STAU2: variants seen among roughly 807,000 people sequenced by gnomAD.
The protein encoded by STAU2 is double-stranded RNA-binding protein Staufen homolog 2.
STAU2 carries 20 observed loss-of-function variants against 65.9 expected under a neutral mutation model. That is an observed-to-expected ratio of 0.30 (90% CI 0.21 to 0.44). The LOEUF is 0.44. Ranked by LOEUF, STAU2 falls within the 20% of genes least tolerant of loss-of-function variation. STAU2 has a pLI of 1.00. For synonymous variants in STAU2, 232 were observed against 233.9 expected, an observed-to-expected ratio of 0.99 and a Z score of 0.07; for missense variants, 558 against 683.9, an observed-to-expected ratio of 0.82 and a Z score of 2.05.
At chr8:73,741,307 A>C (rs1586394168) in intron 1 of STAU2, among the ~76,000 whole-genome samples, 1 of 151,364 alleles carries the variant, frequency 6.6e-6, no homozygotes, top group African/African-American at 2.4e-5. Context: ...TCCGTCTCAA[A>C]AAAAAAAAAA....
chr8:73,552,216 T>G lies in STAU2; in HGVS notation c.1326A>C (p.Lys442Asn), dbSNP rs769437139. The G allele has an allele frequency of 6.2e-7, 1 of 1,614,000 alleles. No individual in the cohort carries two copies. The highest frequency in any genetic ancestry group is 1.1e-5 in the South Asian group (1 of 91,078). ...SGTTLGYLSP[K>N]DMNQPSSSFF... ...AAGAGCTTGAAGGTTGGTTCATATC[T>G]TTGGGTGACAAATAGCCTAGAGTAG... The change falls in exon 13 of 15, where the codon AAA (lysine) becomes AAC (asparagine). Residue 442 changes from lysine (K) to asparagine (N), a missense_variant. Lys to Asn is a moderately conservative substitution (Grantham distance 94). This residue lies in a region of STAU2 where 247 missense variants were observed against 270.1 expected (regional missense o/e 0.91). Coordinates refer to ENST00000524300, the MANE Select transcript of STAU2 (RefSeq NM_001164380.2).
intron 13 of STAU2, among the ~76,000 whole-genome samples, chr8:73,470,053 C>T (rs1563611054): frequency 6.6e-6 from 1 of 152,138 alleles, no homozygotes; most frequent in Non-Finnish European, 1.5e-5. Context: ...CTTCTCTGAA[C>T]CTTAGTTTCT....
intron 5 of STAU2, 130 bp downstream of exon 5, chr8:73,688,524 G>T: frequency 7.8e-6 from 6 of 764,758 alleles, no homozygotes; most frequent in Non-Finnish European, 1.1e-5. Context: ...GTGTGTGTGT[G>T]TGTGTGTAGG....
intron 13 of STAU2, among the ~76,000 whole-genome samples, chr8:73,518,585 A>C (rs888321646): frequency 3.9e-5 from 6 of 152,220 alleles, no homozygotes; most frequent in Admixed American, 3.9e-4. Flanking sequence ...ACATGTCACG[A>C]AATACTATTT....
At chr8:73,661,902 A>G (rs1314545026) in intron 6 of STAU2, among the ~76,000 whole-genome samples, 76 of 152,330 alleles carry the variant, frequency 5.0e-4, no homozygotes, top group Non-Finnish European at 4.4e-5. Context: ...ACTTTCATGT[A>G]TAAGTCTTTG....
intron 9 of STAU2, among the ~76,000 whole-genome samples, chr8:73,604,324 G>C (rs1466572521): frequency 6.6e-6 from 1 of 152,124 alleles, no homozygotes; most frequent in Non-Finnish European, 1.5e-5. Flanking sequence ...CACCTGCCGG[G>C]TTCAAGCGAT....
rs554856904 is a variant in STAU2, at chr8:73,471,970, G to A, written c.1531-49268C>T. On this transcript the variant is annotated intron_variant, in intron 13 of 14. Transcript: ENST00000524300. ...AGAACCAGTGGAAGAGGGACTTTCAGATCCCTTGAAATTTGTCAGATATTA... is the reference window on the plus strand; with the variant it reads ...AGAACCAGTGGAAGAGGGACTTTCAAATCCCTTGAAATTTGTCAGATATTA... Among the ~76,000 whole-genome samples, 15 of 152,264 alleles carry A rather than the reference G, an allele frequency of 9.9e-5. No individual in the cohort carries two copies. The South Asian group carries it at 3.1e-3, about 32-fold the overall frequency.
chr8:73,455,671 C>A (rs966296825), intron 13 of STAU2, among the ~76,000 whole-genome samples: 2 of 152,170 alleles, frequency 1.3e-5, no homozygotes, highest in Non-Finnish European at 2.9e-5. Context: ...TGAAAAACCA[C>A]CGTCATTTCC....
intron 14 of STAU2, among the ~76,000 whole-genome samples, chr8:73,422,268 C>T (rs921912616): frequency 6.6e-6 from 1 of 152,108 alleles, no homozygotes; most frequent in African/African-American, 2.4e-5. Context: ...AAACTTTCAC[C>T]GCTGAAAATG....
intron 12 of STAU2, among the ~76,000 whole-genome samples, chr8:73,569,667 CA>C (rs1808890471): frequency 6.6e-6 from 1 of 152,220 alleles, no homozygotes; most frequent in South Asian, 2.1e-4. Flanking sequence ...TGCTGTTCTG[CA>C]GCCTCCACTG....
chr8:73,696,459 C>T (rs1351186826), intron 4 of STAU2, among the ~76,000 whole-genome samples: 13 of 152,172 alleles, frequency 8.5e-5, no homozygotes, highest in Admixed American at 8.5e-4. Flanking sequence ...TTCAAAATAG[C>T]TGTTTTGAGG....
intron 13 of STAU2, among the ~76,000 whole-genome samples, chr8:73,457,075 T>TA (rs985231841): frequency 9.2e-5 from 14 of 152,358 alleles, no homozygotes; most frequent in Admixed American, 4.6e-4. Flanking sequence ...ATCCATAAAT[T>TA]AGATTTTTTT....
intron 13 of STAU2, among the ~76,000 whole-genome samples, chr8:73,499,049 C>T (rs1382377054): frequency 6.6e-6 from 1 of 151,856 alleles, no homozygotes; most frequent in Non-Finnish European, 1.5e-5. Context: ...AGAAGGAATT[C>T]TGCCTTAAGA....
chr8:73,442,210 T>C (rs1390843247), intron 13 of STAU2, among the ~76,000 whole-genome samples: 1 of 151,748 alleles, frequency 6.6e-6, no homozygotes. Context: ...AAAAATTAGC[T>C]GGGTGTGGTG....
At chr8:73,530,581 C>T (rs1585942749) in intron 13 of STAU2, among the ~76,000 whole-genome samples, 1 of 152,134 alleles carries the variant, frequency 6.6e-6, no homozygotes, top group African/African-American at 2.4e-5. Flanking sequence ...TGGTGGGAGG[C>T]TTGCTGAGAA....
intron 11 of STAU2, among the ~76,000 whole-genome samples, chr8:73,593,513 G>A (rs1011625836): frequency 6.6e-6 from 1 of 152,188 alleles, no homozygotes; most frequent in African/African-American, 2.4e-5. Flanking sequence ...TTTAGTGAGT[G>A]TGATGATTAA....
intron 4 of STAU2, among the ~76,000 whole-genome samples, chr8:73,699,860 C>CAAAAAAAA (rs201419278): frequency 3.6e-4 from 32 of 88,778 alleles, no homozygotes; most frequent in East Asian, 6.8e-4. Context: ...AAACACACAT[C>CAAAAAAAA]AAAAAAAAAA....
At chr8:73,620,442 C>T (rs1236740825) in intron 6 of STAU2, among the ~76,000 whole-genome samples, 1 of 152,172 alleles carries the variant, frequency 6.6e-6, no homozygotes, top group Non-Finnish European at 1.5e-5. Context: ...TTACAAAACT[C>T]ATTTTGGTTT....
intron 13 of STAU2, among the ~76,000 whole-genome samples, chr8:73,505,813 G>A (rs1011624848): frequency 1.3e-5 from 2 of 152,064 alleles, no homozygotes; most frequent in African/African-American, 2.4e-5. Context: ...CTGGAAGTGA[G>A]GCCTGGCAGG....
Sources: allele counts gnomAD v4.1 joint callset (sites outside exome capture counted in the v4.1 genomes callset), GRCh38; gene constraint gnomAD v4.1.1; regional missense constraint gnomAD v4.1.1; transcripts MANE v1.5; gene names NCBI Gene and HGNC (gene_info 2026-07-23, HGNC 2026-07-21).